Variants in DLGAP1 observed in about 807,000 individuals in gnomAD.
The protein encoded by DLGAP1 is DLG associated protein 1, also known as disks large-associated protein 1.
DLGAP1 carries 11 observed loss-of-function variants against 90.8 expected under a neutral mutation model. The ratio of observed to expected loss-of-function variants is 0.12; its 90% CI spans 0.08 to 0.20. The LOEUF (loss-of-function observed/expected upper bound fraction) is 0.20, where lower values mean the gene tolerates loss of function less well. DLGAP1 is among the 10% of genes least tolerant of loss of function. DLGAP1 has a pLI of 1.00. For synonymous variants in DLGAP1, 558 were observed against 540.7 expected (o/e 1.03, Z -0.44); for missense variants, 1,050 against 1,333.8 (o/e 0.79, Z 3.31).
intron 3 of DLGAP1, among the ~76,000 whole-genome samples, chr18:3,957,113 G>A (rs1292468954): frequency 6.6e-6 from 1 of 152,174 alleles, no homozygotes. Context: ...CTCGAGATGT[G>A]GAGATTATCC....
At chr18:4,192,240 T>C (rs759079381) in intron 1 of DLGAP1, among the ~76,000 whole-genome samples, 4 of 152,108 alleles carry the variant, frequency 2.6e-5, no homozygotes, top group South Asian at 2.1e-4. Context: ...ACAAAACCAT[T>C]GTCTGAATTT....
chr18:4,153,604 T>C (rs1186356117), intron 1 of DLGAP1, among the ~76,000 whole-genome samples: 1 of 152,198 alleles, frequency 6.6e-6, no homozygotes, highest in African/African-American at 2.4e-5. Flanking sequence ...AAAGAACAAG[T>C]ACACTATAAT....
chr18:4,415,378 ATT>A (rs1181377847), intron 1 of DLGAP1, among the ~76,000 whole-genome samples: 6 of 152,194 alleles, frequency 3.9e-5, no homozygotes, highest in African/African-American at 1.4e-4. Context: ...CTACAAAAAT[ATT>A]GTGGTGTTTG....
At chr18:4,205,056 A>G (rs1342453911) in intron 1 of DLGAP1, among the ~76,000 whole-genome samples, 2 of 152,208 alleles carry the variant, frequency 1.3e-5, no homozygotes, top group African/African-American at 2.4e-5. Context: ...ACAAATAATT[A>G]CCAGGGAGTA....
intron 1 of DLGAP1, among the ~76,000 whole-genome samples, chr18:4,231,286 T>C (rs2078293988): frequency 6.6e-6 from 1 of 152,160 alleles, no homozygotes; most frequent in Non-Finnish European, 1.5e-5. Flanking sequence ...CATTTTCTTA[T>C]GGTGTTTGCT....
At chr18:3,513,315 T>A (rs2050651227) in intron 10 of DLGAP1, among the ~76,000 whole-genome samples, 1 of 152,240 alleles carries the variant, frequency 6.6e-6, no homozygotes, top group African/African-American at 2.4e-5. Flanking sequence ...ATGAATGAGG[T>A]CTCACTGTGT....
chr18:3,736,177 GAAAT>G (rs2147554034), intron 6 of DLGAP1, among the ~76,000 whole-genome samples: 1 of 152,186 alleles, frequency 6.6e-6, no homozygotes, highest in African/African-American at 2.4e-5. Flanking sequence ...ATTTGGACTT[GAAAT>G]AAATAAAGAC....
At chr18:4,250,111 G>A (rs1192678808) in intron 1 of DLGAP1, among the ~76,000 whole-genome samples, 2 of 152,112 alleles carry the variant, frequency 1.3e-5, no homozygotes, top group Non-Finnish European at 2.9e-5. Flanking sequence ...TTTGTTGGAG[G>A]CAGGGCAGGG....
chr18:4,377,529 T>C (rs1041958951), intron 1 of DLGAP1, among the ~76,000 whole-genome samples: 1 of 152,180 alleles, frequency 6.6e-6, no homozygotes, highest in African/African-American at 2.4e-5. Flanking sequence ...TTTCAAAGGA[T>C]AAACAAGTTT....
intron 1 of DLGAP1, among the ~76,000 whole-genome samples, chr18:4,223,959 A>G (rs1035584295): frequency 9.9e-5 from 15 of 152,228 alleles, no homozygotes; most frequent in African/African-American, 3.6e-4. Context: ...TAATAGCTTC[A>G]ATCATTTAGA....
At chr18:4,021,482 A>G (rs2074607521) in intron 2 of DLGAP1, among the ~76,000 whole-genome samples, 1 of 152,208 alleles carries the variant, frequency 6.6e-6, no homozygotes. Flanking sequence ...AGGTCTCCCC[A>G]GAAGCCAAGC....
chr18:4,317,843 C>T (rs1019630592), intron 1 of DLGAP1, among the ~76,000 whole-genome samples: 3 of 152,182 alleles, frequency 2.0e-5, no homozygotes, highest in Non-Finnish European at 4.4e-5. Context: ...TAAAAGCTTT[C>T]CTTTTCTTTC....
At chr18:3,991,885 T>C (rs2073977105) in intron 3 of DLGAP1, among the ~76,000 whole-genome samples, 1 of 152,250 alleles carries the variant, frequency 6.6e-6, no homozygotes, top group South Asian at 2.1e-4. Context: ...CTTGACACGC[T>C]TTCTTTATCG....
intron 2 of DLGAP1, among the ~76,000 whole-genome samples, chr18:4,110,857 CCT>C (rs2075959955): frequency 6.6e-6 from 1 of 152,096 alleles, no homozygotes; most frequent in African/African-American, 2.4e-5. Flanking sequence ...CAGAAAGTCC[CCT>C]GAGATTCCTG....
chr18:3,611,509 C>T (rs2057626184), intron 7 of DLGAP1, among the ~76,000 whole-genome samples: 1 of 152,160 alleles, frequency 6.6e-6, no homozygotes, highest in African/African-American at 2.4e-5. Context: ...CTTCACCCTC[C>T]CCATGACCAA....
chr18:3,807,776 A>T (rs2066635332), intron 5 of DLGAP1, among the ~76,000 whole-genome samples: 1 of 152,298 alleles, frequency 6.6e-6, no homozygotes, highest in Non-Finnish European at 1.5e-5. Flanking sequence ...ACTTTTAAAA[A>T]TGTCTCATTC....
Position 3,729,232 on chromosome 18 carries a change from A to G in DLGAP1, c.1494T>C (p.Ile498=). ...RMRSHSYVRA[I]EKGCSQDDEC... ...CGTCGTCCTGGGAGCAGCCTTTCTCAATGGCCCGCACATAGCTGTGGCTCC... is the reference window on the plus strand; with the variant it reads ...CGTCGTCCTGGGAGCAGCCTTTCTCGATGGCCCGCACATAGCTGTGGCTCC... The change falls in exon 7 of 13, where the codon ATT becomes ATC. Residue 498 remains isoleucine (I), a synonymous_variant. Transcript: ENST00000315677. The surrounding 1 kb of genome is among the most constrained non-coding windows in gnomAD (Gnocchi z 6.2). The G allele has an allele frequency of 1.2e-6, 2 of 1,613,966 alleles. No individual in the cohort carries two copies. Among genetic ancestry groups the G allele is most frequent in the South Asian group, 2.2e-5 (2 of 91,042 alleles).
intron 2 of DLGAP1, among the ~76,000 whole-genome samples, chr18:4,076,174 T>G (rs980630506): frequency 5.3e-5 from 8 of 152,202 alleles, no homozygotes; most frequent in Non-Finnish European, 2.9e-5. Context: ...GTGCTGTTTT[T>G]CTTTTCTCCT....
Position 4,290,135 on chromosome 18 carries a change from T to C in DLGAP1, c.-266-138848A>G, listed in dbSNP as rs2079809781. On this transcript the variant is annotated intron_variant, in intron 1 of 12. Coordinates refer to ENST00000315677, the MANE Select transcript of DLGAP1 (RefSeq NM_004746.4). ...CAGTAGCTTGAACTGCTGTTAGAAA[T>C]TTACTGTCTCTGTGCTTGTCACCAG... Among the ~76,000 whole-genome samples the C allele has an allele frequency of 6.6e-5, 10 of 152,222 alleles. No homozygotes were observed. In the South Asian group the frequency reaches 2.1e-3, roughly 31 times the overall value.
Sources: allele counts gnomAD v4.1 joint callset (sites outside exome capture counted in the v4.1 genomes callset), GRCh38; gene constraint gnomAD v4.1.1; non-coding constraint Gnocchi (gnomAD v3.1); transcripts MANE v1.5; gene names NCBI Gene and HGNC (gene_info 2026-07-23, HGNC 2026-07-21).